CDH9: variants seen among roughly 807,000 people sequenced by gnomAD.
CDH9 encodes cadherin-9.
In CDH9, 28 loss-of-function variants were observed where a neutral mutation model predicts 70.9. That is an observed-to-expected ratio of 0.40 (90% CI 0.29 to 0.54). CDH9 has a LOEUF of 0.54. Ranked by LOEUF, CDH9 falls within the 20% of genes least tolerant of loss-of-function variation. The pLI is 0.59. For missense variants in CDH9, 874 were observed against 984.4 expected, an observed-to-expected ratio of 0.89 and a Z score of 1.50; for synonymous variants, 409 against 343.1, an observed-to-expected ratio of 1.19 and a Z score of -2.12.
chr5:26,942,209 A>G (rs1428270899), intron 2 of CDH9, among the ~76,000 whole-genome samples: 1 of 152,186 alleles, frequency 6.6e-6, no homozygotes, highest in Admixed American at 6.5e-5. Context: ...AAAGGCTCTT[A>G]TAAAACCATC....
intron 2 of CDH9, among the ~76,000 whole-genome samples, chr5:26,944,613 A>C (rs1001086471): frequency 2.0e-5 from 3 of 152,204 alleles, no homozygotes; most frequent in African/African-American, 4.8e-5. Context: ...TGATCCTGCC[A>C]CTGCACTCCA....
intron 1 of CDH9, among the ~76,000 whole-genome samples, chr5:27,016,310 TG>T (rs1227192791): frequency 1.3e-5 from 2 of 151,842 alleles, no homozygotes; most frequent in Non-Finnish European, 2.9e-5. Flanking sequence ...TAGACTGTAC[TG>T]GGTTGAGGAG....
At chr5:26,952,912 A>G (rs1741877830) in intron 2 of CDH9, among the ~76,000 whole-genome samples, 1 of 146,292 alleles carries the variant, frequency 6.8e-6, no homozygotes, top group Non-Finnish European at 1.5e-5. Flanking sequence ...AAAAAAAAAA[A>G]AAAAAAAAAA....
intron 11 of CDH9, 114 bp downstream of exon 11, chr5:26,885,500 G>T: frequency 1.1e-6 from 1 of 905,832 alleles, no homozygotes; most frequent in Non-Finnish European, 1.7e-6. Context: ...TTAATAAAAA[G>T]TGAAAATGTT....
Position 26,935,777 on chromosome 5 carries a change from T to C in CDH9, c.229-19853A>G, listed in dbSNP as rs187801323. Among the ~76,000 whole-genome samples, 6 of 152,190 alleles carry C rather than the reference T, an allele frequency of 3.9e-5. No homozygotes were observed. In the East Asian group the frequency reaches 1.2e-3, roughly 29 times the overall value. ...GGGTATCTAACCAATGAAAAAGAAG[T>C]CATTATATGAAATAGACACATGCAC... On this transcript the variant is annotated intron_variant, in intron 2 of 11. Transcript: ENST00000231021.
At chr5:26,906,572 A>C (rs2062864921) in intron 4 of CDH9, 147 bp downstream of exon 4, 1 of 1,219,510 alleles carries the variant, frequency 8.2e-7, no homozygotes, top group African/African-American at 1.5e-5. Context: ...GAAAGTTTGC[A>C]TTTGTTTACA....
chr5:26,913,757 T>TTGTGTGTGTGTG (rs5866811), intron 3 of CDH9, among the ~76,000 whole-genome samples: 1 of 145,446 alleles, frequency 6.9e-6, no homozygotes, highest in African/African-American at 2.5e-5. Context: ...ACATATATGT[T>TTGTGTGTGTGTG]TGTGTGTGTG....
chr5:27,026,834 T>A (rs575339782), intron 1 of CDH9, among the ~76,000 whole-genome samples: 123 of 152,168 alleles, frequency 8.1e-4, no homozygotes, highest in Non-Finnish European at 1.6e-3. Context: ...TTTTGGTGAA[T>A]GTTACTTGCA....
At chr5:27,020,078 AT>A (rs1295338528) in intron 1 of CDH9, among the ~76,000 whole-genome samples, 1 of 151,790 alleles carries the variant, frequency 6.6e-6, no homozygotes, top group Non-Finnish European at 1.5e-5. Context: ...ATTATAATTT[AT>A]TTTATATAAC....
intron 1 of CDH9, among the ~76,000 whole-genome samples, chr5:26,995,088 CTG>C (rs1408836070): frequency 1.3e-5 from 2 of 152,136 alleles, no homozygotes; most frequent in Non-Finnish European, 2.9e-5. Context: ...TGCTTATTGA[CTG>C]TTTCCACTAG....
At chr5:26,977,599 G>A (rs569033525) in intron 2 of CDH9, among the ~76,000 whole-genome samples, 2 of 151,624 alleles carry the variant, frequency 1.3e-5, no homozygotes, top group Non-Finnish European at 2.9e-5. Flanking sequence ...TTCTTTGAGG[G>A]AATACTTCAT....
At chr5:26,889,603 A>C (rs1740620534) in intron 9 of CDH9, among the ~76,000 whole-genome samples, 1 of 152,162 alleles carries the variant, frequency 6.6e-6, no homozygotes, top group African/African-American at 2.4e-5. Flanking sequence ...CCTAGTATAT[A>C]AATTAAAACA....
intron 2 of CDH9, among the ~76,000 whole-genome samples, chr5:26,924,740 C>T (rs1741306710): frequency 1.3e-5 from 2 of 151,972 alleles, no homozygotes; most frequent in African/African-American, 4.8e-5. Flanking sequence ...GTGTGATGTT[C>T]CCCACCCTGT....
At position 26,886,059 on chromosome 5, in the gene CDH9, C is replaced by T; in HGVS notation, c.1537G>A (p.Asp513Asn). 1 of 1,605,062 alleles carries T rather than the reference C, an allele frequency of 6.2e-7. No individual in the cohort carries two copies. The highest frequency in any genetic ancestry group is 8.5e-7 in the Non-Finnish European group (1 of 1,177,712). The change falls in exon 10 of 12, where the codon GAT (aspartate) becomes AAT (asparagine). Residue 513 changes from aspartate (D) to asparagine (N), a missense_variant. Asp to Asn is a conservative substitution (Grantham distance 23, BLOSUM62 1). Coordinates refer to ENST00000231021, the MANE Select transcript of CDH9 (RefSeq NM_016279.4). ...GQLIQTVSVM[D>N]KDDPPRGHKF... ...TGACCTCGGGGAGGGTCATCCTTAT[C>T]CATGACACTGACAGTCTGAATCAAC...
chr5:27,001,840 ACACACTCTCT>A (rs1035312752), intron 1 of CDH9, among the ~76,000 whole-genome samples: 4 of 123,492 alleles, frequency 3.2e-5, no homozygotes, highest in African/African-American at 1.4e-4. Flanking sequence ...ACACACACAC[ACACACTCTCT>A]CTCTCTCTCT....
chr5:26,906,340 A>T (rs554807909), intron 4 of CDH9, among the ~76,000 whole-genome samples: 1 of 152,326 alleles, frequency 6.6e-6, no homozygotes, highest in Admixed American at 6.5e-5. Context: ...TTGCTAAATC[A>T]ATGTATTTAA....
intron 2 of CDH9, among the ~76,000 whole-genome samples, chr5:26,980,493 T>A (rs1283717165): frequency 6.6e-6 from 1 of 151,970 alleles, no homozygotes; most frequent in African/African-American, 2.4e-5. Flanking sequence ...TTCACAATAT[T>A]TCCCTGGCAT....
intron 7 of CDH9, among the ~76,000 whole-genome samples, chr5:26,893,419 T>G (rs1740694405): frequency 6.6e-6 from 1 of 152,184 alleles, no homozygotes; most frequent in East Asian, 1.9e-4. Flanking sequence ...TTGTCTCTGT[T>G]TTGTCATTCA....
chr5:26,978,120 C>G (rs1159677586), intron 2 of CDH9, among the ~76,000 whole-genome samples: 3 of 151,722 alleles, frequency 2.0e-5, no homozygotes, highest in African/African-American at 7.3e-5. Context: ...ATCACAATGT[C>G]TAGTATATAA....
Sources: gnomAD v4.1 joint callset for allele counts (sites outside exome capture counted in the v4.1 genomes callset) on GRCh38, gnomAD v4.1.1 for gene constraint, MANE v1.5 for transcripts, NCBI Gene and HGNC (gene_info 2026-07-23, HGNC 2026-07-21) for gene names.